Variants in ZBTB24 observed in about 807,000 individuals in gnomAD.
The protein encoded by ZBTB24 is zinc finger and BTB domain-containing protein 24.
A neutral mutation model predicts 53.8 loss-of-function variants in ZBTB24; 32 were observed. That is an observed-to-expected ratio of 0.60 (90% CI 0.45 to 0.80). The LOEUF (loss-of-function observed/expected upper bound fraction) is 0.80. Ranked by LOEUF, ZBTB24 falls within the 30% of genes least tolerant of loss-of-function variation. The pLI is 0.00. For synonymous variants in ZBTB24, 297 were observed against 306.7 expected, an observed-to-expected ratio of 0.97 and a Z score of 0.33; for missense variants, 722 against 837.1, an observed-to-expected ratio of 0.86 and a Z score of 1.70.
intron 2 of ZBTB24, among the ~76,000 whole-genome samples, chr6:109,479,802 G>A (rs929618775): frequency 6.6e-6 from 1 of 150,758 alleles, no homozygotes; most frequent in Admixed American, 6.7e-5. Flanking sequence ...TGTAATCCCA[G>A]CTACTCAGGA....
chr6:109,468,393 G>A (rs1776096093), intron 5 of ZBTB24, among the ~76,000 whole-genome samples: 1 of 151,826 alleles, frequency 6.6e-6, no homozygotes, highest in Non-Finnish European at 1.5e-5. Flanking sequence ...TGCCCTACAA[G>A]CGATCATAGA....
chr6:109,474,548 T>C (rs1043963007), intron 5 of ZBTB24, among the ~76,000 whole-genome samples: 1 of 152,050 alleles, frequency 6.6e-6, no homozygotes, highest in African/African-American at 2.4e-5. Flanking sequence ...CTGGCCAACA[T>C]GGTAAAACCC....
intron 5 of ZBTB24, 24 bp downstream of exon 5, chr6:109,475,375 G>A: frequency 6.2e-7 from 1 of 1,613,588 alleles, no homozygotes; most frequent in Non-Finnish European, 8.5e-7. Context: ...GTGTACTGGG[G>A]GGACAGACGA....
chr6:109,465,909 G>A lies in ZBTB24; in HGVS notation c.2036C>T (p.Pro679Leu), dbSNP rs776310741. Residue 679 changes from proline to leucine, a missense_variant, in exon 7 of 7, where the codon CCG (proline) becomes CTG (leucine). By Grantham distance (98) the Pro-to-Leu change is moderately conservative. Coordinates refer to ENST00000230122, the MANE Select transcript of ZBTB24 (RefSeq NM_014797.3). ...GGGCACGTGGTGAGTGGGTGGTGGCGGACCAGGCTCCTGTGTCAGCTGCAG... is the reference window on the plus strand; with the variant it reads ...GGGCACGTGGTGAGTGGGTGGTGGCAGACCAGGCTCCTGTGTCAGCTGCAG... Reference protein sequence around the residue: ...QHLQLTQEPGPPPPTHHVPQP... With the variant: ...QHLQLTQEPGLPPPTHHVPQP... 5.6e-6 allele frequency: 9 copies of A among 1,614,182 alleles called. No homozygotes were observed. The highest frequency in any genetic ancestry group is 3.3e-5 in the South Asian group (3 of 91,088).
At chr6:109,479,492 G>A (rs116387568) in intron 2 of ZBTB24, among the ~76,000 whole-genome samples, 3,141 of 152,272 alleles carry the variant, frequency 0.021, 99 homozygotes, top group African/African-American at 0.072. Context: ...TCACACTATT[G>A]TAAAGATGAA....
At position 109,464,161 on chromosome 6, in the gene ZBTB24, T is replaced by A. The variant is rs1208214640; in HGVS notation, c.*1690A>T. The A allele has an allele frequency of 2.0e-5, 3 of 152,282 alleles. No individual in the cohort carries two copies. Among genetic ancestry groups the A allele is most frequent in the Admixed American group, 2.0e-4 (3 of 15,286 alleles). 9.4% of individuals were successfully genotyped at this position (152,282 alleles called of 1,614,324 possible). On this transcript the variant is annotated 3_prime_UTR_variant, in exon 7 of 7. Coordinates refer to ENST00000230122, the MANE Select transcript of ZBTB24 (RefSeq NM_014797.3). ...AGGGCTTAACAGTGTTTGTAAAAAA[T>A]TGTTATCTTTGCTCTAGTCAGGCCT...
At position 109,464,218 on chromosome 6, in the gene ZBTB24, GATAT is replaced by G. The variant is rs903228860; in HGVS notation, c.*1629_*1632del. ...ACATTAGTTTGGTTGATACATATAAGATATATATCATTTTGGAAGTTTTGTGAAT... is the reference window on the plus strand; with the variant it reads ...ACATTAGTTTGGTTGATACATATAAGATATCATTTTGGAAGTTTTGTGAAT... On this transcript the variant is annotated 3_prime_UTR_variant, in exon 7 of 7. Transcript: ENST00000230122. 2 of 152,098 alleles carry G rather than the reference GATAT, an allele frequency of 1.3e-5. No homozygotes were observed. Among genetic ancestry groups the G allele is most frequent in the African/African-American group, 4.8e-5 (2 of 41,412 alleles). The allele number at this position is 152,098 out of a possible 1,614,324, so 9.4% of individuals were successfully genotyped here.
chr6:109,467,635 A>G lies in ZBTB24; in HGVS notation c.1370+18T>C, dbSNP rs546453063. The G allele has an allele frequency of 6.2e-6, 10 of 1,614,214 alleles. No individual in the cohort carries two copies. The highest frequency in any genetic ancestry group is 1.7e-5 in the Admixed American group (1 of 60,030). On this transcript the variant is annotated intron_variant, in intron 6 of 6. Coordinates refer to ENST00000230122, the MANE Select transcript of ZBTB24 (RefSeq NM_014797.3). ...TGAATGAGGCCTCCATGCGAGAAAAATATCTGCAAAACTTTACCGATGGAT... is the reference window on the plus strand; with the variant it reads ...TGAATGAGGCCTCCATGCGAGAAAAGTATCTGCAAAACTTTACCGATGGAT...
rs905077564 is a variant in ZBTB24 at position 109,463,392 on chromosome 6, T to C, written c.*2459A>G. On this transcript the variant is annotated 3_prime_UTR_variant, in exon 7 of 7. Transcript: ENST00000230122. ...TGTTTCTCTTTGACAGCTGGTCAAA[T>C]AATTCAGGCATAGCTAGGACTGATG... 2 of 152,220 alleles carry C rather than the reference T, an allele frequency of 1.3e-5. No individual in the cohort carries two copies. The highest frequency in any genetic ancestry group is 1.3e-4 in the Admixed American group (2 of 15,280). 9.4% of individuals were successfully genotyped at this position (152,220 alleles called of 1,614,324 possible). A position where few individuals can be genotyped will look rare whatever the true frequency, so the allele number is the denominator to read the frequency against.
At chr6:109,482,238 G>A (rs778203060) in intron 1 of ZBTB24, among the ~76,000 whole-genome samples, 184 bp from the exon 2 acceptor site, 1 of 152,146 alleles carries the variant, frequency 6.6e-6, no homozygotes, top group Non-Finnish European at 1.5e-5. Flanking sequence ...CCAGCACTTT[G>A]GGAGGCCGAG....
In ZBTB24 at chr6:109,465,599, T is replaced by C. The variant is rs1310407539; in HGVS notation, c.*252A>G. 3 of 1,500,366 alleles carry C rather than the reference T, an allele frequency of 2.0e-6. No individual in the cohort carries two copies. In the Admixed American group the frequency reaches 6.0e-5, roughly 30 times the overall value. The allele number at this position is 1,500,366 out of a possible 1,614,324, so 92.9% of individuals were successfully genotyped here. A position where few individuals can be genotyped will look rare whatever the true frequency, so the allele number is the denominator to read the frequency against. ...CAAAGAAAAACTACCCGAGTCTTTA[T>C]GAGACATTGCAGATTAAAATGAAAA... On this transcript the variant is annotated 3_prime_UTR_variant, in exon 7 of 7. Coordinates refer to ENST00000230122, the MANE Select transcript of ZBTB24 (RefSeq NM_014797.3).
intron 1 of ZBTB24, among the ~76,000 whole-genome samples, chr6:109,482,331 T>C (rs1582685079): frequency 2.0e-5 from 3 of 151,934 alleles, no homozygotes; most frequent in Admixed American, 2.0e-4. Flanking sequence ...CCTGGCGTGG[T>C]GGCGCCCGCC....
Position 109,466,245 on chromosome 6 carries a change from G to C in ZBTB24, c.1700C>G (p.Pro567Arg), listed in dbSNP as rs775547572. Residue 567 changes from proline (P) to arginine (R), a missense_variant, in exon 7 of 7, where the codon CCC becomes CGC. Transcript: ENST00000230122. ...TDSVHNINFM[P>R]GPSQGISIVT... Reference sequence around the variant, plus strand: ...AATGCTGATTCCCTGGCTAGGACCGGGCATGAAATTGATGTTATGTACAGA... The same window carrying C: ...AATGCTGATTCCCTGGCTAGGACCGCGCATGAAATTGATGTTATGTACAGA... 1 of 1,614,162 alleles carries C rather than the reference G, an allele frequency of 6.2e-7. No individual in the cohort carries two copies. The highest frequency in any genetic ancestry group is 1.7e-5 in the Admixed American group (1 of 60,020).
chr6:109,470,344 GA>G (rs1280835788), intron 5 of ZBTB24, among the ~76,000 whole-genome samples: 2 of 151,956 alleles, frequency 1.3e-5, no homozygotes, highest in Non-Finnish European at 2.9e-5. Context: ...GATGTCAACG[GA>G]AGTACTGAAA....
intron 6 of ZBTB24, among the ~76,000 whole-genome samples, chr6:109,467,308 A>T (rs2115354226): frequency 6.6e-6 from 1 of 152,256 alleles, no homozygotes; most frequent in South Asian, 2.1e-4. Flanking sequence ...GGATCACTTG[A>T]GGTCAGGAGT....
rs1775950453 is a variant in ZBTB24 at position 109,463,378 on chromosome 6, G to A, written c.*2473C>T. The A allele has an allele frequency of 6.6e-6, 1 of 152,150 alleles. No homozygotes were observed. The highest frequency in any genetic ancestry group is 2.4e-5 in the African/African-American group (1 of 41,436). The allele number at this position is 152,150 out of a possible 1,614,324, so 9.4% of individuals were successfully genotyped here. A position where few individuals can be genotyped will look rare whatever the true frequency, so the allele number is the denominator to read the frequency against. On this transcript the variant is annotated 3_prime_UTR_variant, in exon 7 of 7. Coordinates refer to ENST00000230122, the MANE Select transcript of ZBTB24 (RefSeq NM_014797.3). ...AGCTATCATTTCCTTGTTTCTCTTT[G>A]ACAGCTGGTCAAATAATTCAGGCAT...
At chr6:109,467,801 A>G (rs1367996884) in intron 5 of ZBTB24, 67 bp from the exon 6 acceptor site, 1 of 1,537,184 alleles carries the variant, frequency 6.5e-7, no homozygotes, top group Non-Finnish European at 8.8e-7. Flanking sequence ...TACATTCAGA[A>G]TAAGACAAAA....
In ZBTB24 at chr6:109,463,591, C is replaced by T. The variant is rs986382628; in HGVS notation, c.*2260G>A. 1.3e-5 allele frequency: 2 copies of T among 152,038 alleles called. No homozygotes were observed. Among genetic ancestry groups the T allele is most frequent in the African/African-American group, 4.8e-5 (2 of 41,396 alleles). The allele number at this position is 152,038 out of a possible 1,614,324, so 9.4% of individuals were successfully genotyped here. A position where few individuals can be genotyped will look rare whatever the true frequency, so the allele number is the denominator to read the frequency against. ...TTCAATTCTTGAAAAAAACTTTTGT[C>T]TTAGCTACTTGATATGAGAATCTGT... On this transcript the variant is annotated 3_prime_UTR_variant, in exon 7 of 7. Transcript: ENST00000230122.
At chr6:109,472,618 C>T (rs1776189973) in intron 5 of ZBTB24, among the ~76,000 whole-genome samples, 1 of 152,168 alleles carries the variant, frequency 6.6e-6, no homozygotes. Flanking sequence ...AGCACAGCGC[C>T]ACCCACTATT....
Sources: gnomAD v4.1 joint callset for allele counts (sites outside exome capture counted in the v4.1 genomes callset) on GRCh38, gnomAD v4.1.1 for gene constraint, MANE v1.5 for transcripts, NCBI Gene and HGNC (gene_info 2026-07-23, HGNC 2026-07-21) for gene names.